The following PTPRC variants were observed in gnomAD, a reference collection of about 807,000 sequenced individuals.
PTPRC encodes the protein receptor-type tyrosine-protein phosphatase C.
In PTPRC, 44 loss-of-function variants were observed where a neutral mutation model predicts 155.9. That is an observed-to-expected ratio of 0.28 (90% CI 0.22 to 0.36). PTPRC has a LOEUF of 0.36. PTPRC is among the 10% of genes least tolerant of loss of function. The pLI is 1.00. For synonymous variants in PTPRC, 525 were observed against 533.1 expected (o/e 0.98, Z 0.21); for missense variants, 1,401 against 1,564.6 (o/e 0.90, Z 1.76).
chr1:198,670,048 G>GT (rs1664555064), intron 2 of PTPRC, among the ~76,000 whole-genome samples: 1 of 152,158 alleles, frequency 6.6e-6, no homozygotes, highest in East Asian at 1.9e-4. Flanking sequence ...AATGAAGCAT[G>GT]TAAGTATTAC....
Position 198,742,001 on chromosome 1 carries a change from A to C in PTPRC, c.2536A>C (p.Ser846Arg), listed in dbSNP as rs1654920349. ...RRVNAFSNFF[S>R]GPIVVHCSAG... ...AGTGAATGCCTTCAGCAATTTCTTC[A>C]GTGGTCCCATTGTGGTGCACTGCAG... The change falls in exon 24 of 33, where the codon AGT becomes CGT. Residue 846 changes from serine to arginine, a missense_variant. Around this residue, in one of 3 missense-constraint regions of PTPRC, gnomAD observed 134 missense variants for 204.7 expected, o/e 0.65. Transcript: ENST00000442510. 1 of 1,611,182 alleles carries C rather than the reference A, an allele frequency of 6.2e-7. No individual in the cohort carries two copies. The highest frequency in any genetic ancestry group is 1.7e-5 in the Admixed American group (1 of 59,654).
In PTPRC at chr1:198,702,408, C is replaced by G; in HGVS notation, c.461C>G (p.Thr154Arg). 8 of 1,614,148 alleles carry G rather than the reference C, an allele frequency of 5.0e-6. No homozygotes were observed. The highest frequency in any genetic ancestry group is 2.2e-5 in the East Asian group (1 of 44,886). ...GCAGATGTCCCAGGAGAGAGGAGTA[C>G]AGCCAGCACCTTTCCTACAGACCCA... ...AISDVPGERS[T>R]ASTFPTDPVS... is the part of the protein sequence containing the mutation. Residue 154 changes from threonine (T) to arginine (R), a missense_variant, in exon 6 of 33, where the codon ACA (threonine) becomes AGA (arginine). Thr to Arg is a moderately conservative substitution (Grantham distance 71). Around this residue, in one of 3 missense-constraint regions of PTPRC, gnomAD observed 867 missense variants for 970.4 expected, o/e 0.89. Coordinates refer to ENST00000442510, the MANE Select transcript of PTPRC (RefSeq NM_002838.5).
chr1:198,660,598 ACT>A (rs1394076767), intron 2 of PTPRC: 1 of 151,944 alleles, frequency 6.6e-6, no homozygotes, highest in African/African-American at 2.4e-5. Context: ...TAGAGGAGAA[ACT>A]GTGTGGGCAT....
In PTPRC at chr1:198,665,074, G is replaced by A. The variant is rs988641987; in HGVS notation, c.73+25733G>A. On this transcript the variant is annotated intron_variant, in intron 2 of 32. Transcript: ENST00000442510. ...GTGGGGAGTGTTTTTAGAACATCCC[G>A]GCAGCATTTTTTTTTTTTTTTTTTT... Among the ~76,000 whole-genome samples, 21 of 143,280 alleles carry A rather than the reference G, an allele frequency of 1.5e-4. No individual in the cohort carries two copies. In the East Asian group the frequency reaches 4.6e-3, roughly 31 times the overall value. 94.0% of individuals were successfully genotyped at this position (143,280 alleles called of 152,430 possible). A position where few individuals can be genotyped will look rare whatever the true frequency, so the allele number is the denominator to read the frequency against.
At position 198,756,094 on chromosome 1, in the gene PTPRC, T is replaced by G. The variant is rs1346186652; in HGVS notation, c.3834T>G (p.Ala1278=). 2 of 1,613,468 alleles carry G rather than the reference T, an allele frequency of 1.2e-6. No homozygotes were observed. Among genetic ancestry groups the G allele is most frequent in the East Asian group, 4.5e-5 (2 of 44,790 alleles). ...AGCTCCCTGAAGCAAAGGAACAGGC[T>G]GAAGGTTCTGAACCCACGAGTGGCA... The part of the protein sequence containing the change: ...PEKLPEAKEQ[A]EGSEPTSGTE... Residue 1278 remains alanine (A), a synonymous_variant, in exon 33 of 33, where the codon GCT becomes GCG. Transcript: ENST00000442510.
chr1:198,735,364 C>A (rs1230861112), intron 23 of PTPRC, 112 bp downstream of exon 23: 34 of 1,018,442 alleles, frequency 3.3e-5, no homozygotes, highest in Non-Finnish European at 4.3e-5. Flanking sequence ...TTTTTGATAA[C>A]CTTTAGGATG....
chr1:198,697,005 G>A (rs1455670563), intron 4 of PTPRC, 96 bp downstream of exon 4: 10 of 1,146,284 alleles, frequency 8.7e-6, no homozygotes, highest in Non-Finnish European at 1.2e-5. Context: ...TATTTGCACA[G>A]TTTCTAAGTA....
upstream of PTPRC, chr1:198,638,827 A>G (rs2102158375): frequency 6.4e-6 from 1 of 157,264 alleles, no homozygotes; most frequent in East Asian, 1.9e-4. Context: ...TTTAATTTAA[A>G]AAAAATGGTA....
chr1:198,657,363 T>C (rs1349038675), intron 2 of PTPRC, among the ~76,000 whole-genome samples: 2 of 152,056 alleles, frequency 1.3e-5, no homozygotes, highest in African/African-American at 4.8e-5. Context: ...AAGCCACCAC[T>C]ATTTTCTGAA....
intron 2 of PTPRC, among the ~76,000 whole-genome samples, chr1:198,656,532 A>T (rs920485728): frequency 6.6e-6 from 1 of 152,092 alleles, no homozygotes; most frequent in African/African-American, 2.4e-5. Flanking sequence ...ATACAGGGAA[A>T]GTGCACTGTG....
At chr1:198,665,440 T>C (rs1367939711) in intron 2 of PTPRC, among the ~76,000 whole-genome samples, 1 of 152,098 alleles carries the variant, frequency 6.6e-6, no homozygotes, top group Non-Finnish European at 1.5e-5. Context: ...ATTGAGACCC[T>C]GAGGGTAAGG....
chr1:198,655,598 A>G (rs78724785), intron 2 of PTPRC, among the ~76,000 whole-genome samples: 4,260 of 139,574 alleles, frequency 0.031, 198 homozygotes, highest in African/African-American at 0.11. Context: ...GTGGTATTCA[A>G]TAAGTGACTT....
intron 2 of PTPRC, among the ~76,000 whole-genome samples, chr1:198,676,686 G>A (rs1222493651): frequency 6.6e-6 from 1 of 152,108 alleles, no homozygotes; most frequent in Non-Finnish European, 1.5e-5. Context: ...CCACTCATAA[G>A]CCTTGCTTTT....
chr1:198,754,860 G>T (rs1316895180), intron 32 of PTPRC, among the ~76,000 whole-genome samples: 1 of 152,118 alleles, frequency 6.6e-6, no homozygotes, highest in Non-Finnish European at 1.5e-5. Flanking sequence ...TCTGCCTTCA[G>T]CTGATGTGTG....
intron 22 of PTPRC, among the ~76,000 whole-genome samples, chr1:198,734,665 C>T (rs1654545077): frequency 6.6e-6 from 1 of 151,734 alleles, no homozygotes; most frequent in Non-Finnish European, 1.5e-5. Flanking sequence ...AGACTCTTAA[C>T]TTGATTCCTG....
intron 8 of PTPRC, among the ~76,000 whole-genome samples, chr1:198,706,210 T>C (rs575441274): frequency 2.4e-4 from 36 of 152,328 alleles, no homozygotes; most frequent in African/African-American, 8.7e-4. Flanking sequence ...TGGAGGTATA[T>C]TATCAATCAT....
At chr1:198,736,920 T>C (rs190362987) in intron 23 of PTPRC, among the ~76,000 whole-genome samples, 1 of 151,894 alleles carries the variant, frequency 6.6e-6, no homozygotes, top group Non-Finnish European at 1.5e-5. Flanking sequence ...TAGTTTTGAT[T>C]TGCATTTCTC....
At chr1:198,687,576 A>C (rs1665697146) in intron 2 of PTPRC, among the ~76,000 whole-genome samples, 1 of 152,006 alleles carries the variant, frequency 6.6e-6, no homozygotes, top group Admixed American at 6.6e-5. Flanking sequence ...GTGTTCTGCT[A>C]ACGTTGATGT....
chr1:198,680,740 T>C (rs1665273682), intron 2 of PTPRC, among the ~76,000 whole-genome samples: 1 of 151,754 alleles, frequency 6.6e-6, no homozygotes, highest in Non-Finnish European at 1.5e-5. Context: ...GTAAAGGCAA[T>C]GGAAAGGAAA....
Sources: allele counts gnomAD v4.1 joint callset (sites outside exome capture counted in the v4.1 genomes callset), GRCh38; gene constraint gnomAD v4.1.1; regional missense constraint gnomAD v4.1.1; transcripts MANE v1.5; gene names NCBI Gene and HGNC (gene_info 2026-07-23, HGNC 2026-07-21).